The following BCAS3 variants were observed in gnomAD, a reference collection of about 807,000 sequenced individuals.
The protein encoded by BCAS3 is BCAS3 microtubule associated cell migration factor, also known as BCAS4/BCAS3 fusion.
A neutral mutation model predicts 116.1 loss-of-function variants in BCAS3; 53 were observed. The ratio of observed to expected loss-of-function variants is 0.46; its 90% CI spans 0.37 to 0.57. The LOEUF (loss-of-function observed/expected upper bound fraction) is 0.57, where lower values mean the gene tolerates loss of function less well. Among genes scored for constraint, BCAS3 ranks in the 20% least tolerant of loss-of-function variants. BCAS3 has a pLI of 0.00. For missense variants in BCAS3, 917 were observed against 1,165.4 expected (o/e 0.79, Z 3.10); for synonymous variants, 391 against 408.2 (o/e 0.96, Z 0.51).
intron 22 of BCAS3, among the ~76,000 whole-genome samples, chr17:61,153,238 G>T (rs1413102777): frequency 6.6e-6 from 1 of 152,074 alleles, no homozygotes; most frequent in South Asian, 2.1e-4. Flanking sequence ...ATACAATGTT[G>T]TAGGACAGTG....
chr17:61,063,016 G>A lies in BCAS3; in HGVS notation c.2030-11904G>A, dbSNP rs2070226740. On this transcript the variant is annotated intron_variant, in intron 19 of 23. Transcript: ENST00000407086. This position sits in a 1 kb window ranked among gnomAD's most constrained non-coding sequence, Gnocchi z 5.3. ...CTTTCCCGGGCATTTTCCCACCAAA[G>A]CTTTGGCTAATTTTCTCAAAGCATT... 6.6e-6 allele frequency among the ~76,000 whole-genome samples: 1 copy of A among 152,092 alleles called. No homozygotes were observed. The highest frequency in any genetic ancestry group is 2.4e-5 in the African/African-American group (1 of 41,424).
intron 15 of BCAS3, among the ~76,000 whole-genome samples, chr17:60,999,075 T>C (rs1284415219): frequency 1.3e-5 from 2 of 152,200 alleles, no homozygotes; most frequent in Non-Finnish European, 2.9e-5. Context: ...TGAATAGTTA[T>C]ATCCTTTCCC....
rs944811172 is a variant in BCAS3, at chr17:61,196,072, C to T, written c.2425+111508C>T. On this transcript the variant is annotated intron_variant, in intron 22 of 23. Coordinates refer to ENST00000407086, the MANE Select transcript of BCAS3 (RefSeq NM_017679.5). This position sits in a 1 kb window ranked among gnomAD's most constrained non-coding sequence, Gnocchi z 4.7. ...TTACCTCTCATCTAACTTTGGAGAC[C>T]ACAGTCGCCTTTGCAGATCTATCTA... is the stretch of plus-strand genomic sequence containing the variant. 1.3e-5 allele frequency among the ~76,000 whole-genome samples: 2 copies of T among 152,122 alleles called. No homozygotes were observed. Among genetic ancestry groups the T allele is most frequent in the Non-Finnish European group, 2.9e-5 (2 of 68,030 alleles).
intron 14 of BCAS3, among the ~76,000 whole-genome samples, chr17:60,948,803 C>A (rs564223682): frequency 2.6e-5 from 4 of 152,238 alleles, no homozygotes; most frequent in Admixed American, 2.6e-4. Flanking sequence ...CAGTGTTTAC[C>A]CCACTTTTCT....
chr17:61,111,181 C>G (rs1453580962), intron 22 of BCAS3, among the ~76,000 whole-genome samples: 1 of 151,996 alleles, frequency 6.6e-6, no homozygotes, highest in Non-Finnish European at 1.5e-5. Context: ...CAGAGCGTCT[C>G]TCCTCCTCCA....
Position 60,724,015 on chromosome 17 carries a change from C to T in BCAS3, c.321+14690C>T, listed in dbSNP as rs148505162. On this transcript the variant is annotated intron_variant, in intron 5 of 23. Transcript: ENST00000407086. Reference sequence around the variant, plus strand: ...GATTACAGGCGTGAGCCACCGTGCCCGGCCTACTTTTTCACTTTCTTAAAA... The same window carrying T: ...GATTACAGGCGTGAGCCACCGTGCCTGGCCTACTTTTTCACTTTCTTAAAA... 1.4e-3 allele frequency among the ~76,000 whole-genome samples: 217 copies of T among 151,670 alleles called. 2 individuals are homozygous for T. In the East Asian group the frequency reaches 0.015, roughly 11 times the overall value.
At chr17:60,693,299 C>A (rs1030602567) in intron 4 of BCAS3, among the ~76,000 whole-genome samples, 1 of 151,968 alleles carries the variant, frequency 6.6e-6, no homozygotes, top group Non-Finnish European at 1.5e-5. Context: ...GAATCCCAGA[C>A]TACATCAGAT....
At chr17:60,813,517 T>A (rs568942197) in intron 7 of BCAS3, among the ~76,000 whole-genome samples, 2 of 152,356 alleles carry the variant, frequency 1.3e-5, no homozygotes, top group South Asian at 4.1e-4. Context: ...TATTAGATAT[T>A]TGTTGGGTGC....
rs1302412102 is a variant in BCAS3 at position 61,122,572 on chromosome 17, T to C, written c.2425+38008T>C. ...CCGTGTGAGCATTAGTACTCAGGAA[T>C]GTGATGTGGATTCGAGATGATCTCC... is the stretch of plus-strand genomic sequence containing the variant. On this transcript the variant is annotated intron_variant, in intron 22 of 23. Transcript: ENST00000407086. The surrounding 1 kb of genome is among the most constrained non-coding windows in gnomAD (Gnocchi z 4.6). Among the ~76,000 whole-genome samples the C allele has an allele frequency of 6.6e-6, 1 of 152,154 alleles. No homozygotes were observed. Among genetic ancestry groups the C allele is most frequent in the Non-Finnish European group, 1.5e-5 (1 of 68,030 alleles).
intron 4 of BCAS3, among the ~76,000 whole-genome samples, chr17:60,702,988 A>G (rs1002703512): frequency 6.6e-6 from 1 of 151,788 alleles, no homozygotes; most frequent in Non-Finnish European, 1.5e-5. Context: ...CATATTGAAA[A>G]TGCAGGCTGG....
At chr17:60,701,895 G>A (rs1240508955) in intron 4 of BCAS3, among the ~76,000 whole-genome samples, 1 of 149,072 alleles carries the variant, frequency 6.7e-6, no homozygotes, top group Non-Finnish European at 1.5e-5. Context: ...ATGCGCTAGA[G>A]CCCAGGAGGT....
intron 22 of BCAS3, among the ~76,000 whole-genome samples, chr17:61,197,599 C>G (rs2080558239): frequency 6.6e-6 from 1 of 152,170 alleles, no homozygotes; most frequent in South Asian, 2.1e-4. Flanking sequence ...GATACCTCCT[C>G]TAATGAGTAG....
In BCAS3 at chr17:61,136,810, C is replaced by T. The variant is rs973000279; in HGVS notation, c.2425+52246C>T. 2.6e-5 allele frequency among the ~76,000 whole-genome samples: 4 copies of T among 152,144 alleles called. No homozygotes were observed. The highest frequency in any genetic ancestry group is 4.1e-4 in the South Asian group (2 of 4,828). On this transcript the variant is annotated intron_variant, in intron 22 of 23. Coordinates refer to ENST00000407086, the MANE Select transcript of BCAS3 (RefSeq NM_017679.5). This position sits in a 1 kb window ranked among gnomAD's most constrained non-coding sequence, Gnocchi z 4.4. Reference sequence around the variant, plus strand: ...CTGGCCTCAAGTGATCCACCCACCTCGGCCTCCCAAAGTCCTGAGATTACA... The same window carrying T: ...CTGGCCTCAAGTGATCCACCCACCTTGGCCTCCCAAAGTCCTGAGATTACA...
chr17:60,704,465 G>C (rs919265609), intron 4 of BCAS3, among the ~76,000 whole-genome samples: 7 of 152,160 alleles, frequency 4.6e-5, no homozygotes, highest in Non-Finnish European at 1.0e-4. Context: ...CTAGACAGTG[G>C]GAACCCTTTT....
In BCAS3 at chr17:61,243,120, C is replaced by T. The variant is rs2047660649; in HGVS notation, c.2426-125207C>T. Among the ~76,000 whole-genome samples, 1 of 152,090 alleles carries T rather than the reference C, an allele frequency of 6.6e-6. No homozygotes were observed. Among genetic ancestry groups the T allele is most frequent in the Non-Finnish European group, 1.5e-5 (1 of 68,014 alleles). ...AGAGATGGGGTTTCACCATGTTGGC[C>T]AAGATGGCCTCCATCTCCTGACCTC... On this transcript the variant is annotated intron_variant, in intron 22 of 23. Transcript: ENST00000407086. This position sits in a 1 kb window ranked among gnomAD's most constrained non-coding sequence, Gnocchi z 5.6.
chr17:60,724,136 CT>C (rs1190600572), intron 5 of BCAS3, among the ~76,000 whole-genome samples: 22 of 151,674 alleles, frequency 1.5e-4, no homozygotes, highest in African/African-American at 5.3e-4. Flanking sequence ...TGCAAATATT[CT>C]TCTAGGCTGG....
intron 13 of BCAS3, among the ~76,000 whole-genome samples, chr17:60,935,104 A>G (rs1567906489): frequency 6.6e-6 from 1 of 152,184 alleles, no homozygotes; most frequent in African/African-American, 2.4e-5. Flanking sequence ...GTAGAGGAAT[A>G]CAATGCAATG....
chr17:60,914,547 T>C (rs1164818633), intron 12 of BCAS3, among the ~76,000 whole-genome samples: 1 of 152,052 alleles, frequency 6.6e-6, no homozygotes, highest in African/African-American at 2.4e-5. Flanking sequence ...AAGATAGAAA[T>C]AAATATTTCA....
intron 7 of BCAS3, among the ~76,000 whole-genome samples, chr17:60,859,057 C>T (rs2053927225): frequency 6.6e-6 from 1 of 150,830 alleles, no homozygotes; most frequent in South Asian, 2.1e-4. Flanking sequence ...AAGCTTAGCC[C>T]ACATTATAAT....
Sources: allele counts gnomAD v4.1 joint callset (sites outside exome capture counted in the v4.1 genomes callset), GRCh38; gene constraint gnomAD v4.1.1; non-coding constraint Gnocchi (gnomAD v3.1); transcripts MANE v1.5; gene names NCBI Gene and HGNC (gene_info 2026-07-23, HGNC 2026-07-21).